The following GBF1 variants were observed in gnomAD, a reference collection of about 807,000 sequenced individuals.
GBF1 encodes Golgi-specific brefeldin A-resistance guanine nucleotide exchange factor 1.
A neutral mutation model predicts 210.5 loss-of-function variants in GBF1; 114 were observed. The ratio of observed to expected loss-of-function variants is 0.54; its 90% confidence interval spans 0.47 to 0.63. The LOEUF (loss-of-function observed/expected upper bound fraction) is 0.63, where lower values mean the gene tolerates loss of function less well. Ranked by LOEUF, GBF1 falls within the 30% of genes least tolerant of loss-of-function variation. The pLI is 0.00. For missense variants in GBF1, 1,851 were observed against 2,357.7 expected, an observed-to-expected ratio of 0.79 and a Z score of 4.45; for synonymous variants, 850 against 889.2, an observed-to-expected ratio of 0.96 and a Z score of 0.78.
intron 33 of GBF1, among the ~76,000 whole-genome samples, chr10:102,377,395 C>T (rs1021178542): frequency 1.2e-4 from 18 of 151,466 alleles, no homozygotes; most frequent in African/African-American, 3.2e-4. Context: ...TCTCTGTCAC[C>T]CAGGCTGGAG....
At chr10:102,357,987 G>A in intron 8 of GBF1, 52 bp from the exon 9 acceptor site, 1 of 1,235,520 alleles carries the variant, frequency 8.1e-7, no homozygotes, top group Non-Finnish European at 1.2e-6. Context: ...GAGATTAATA[G>A]GGATAGAGTC....
intron 29 of GBF1, among the ~76,000 whole-genome samples, chr10:102,373,673 A>G (rs2135273659): frequency 6.6e-6 from 1 of 152,386 alleles, no homozygotes; most frequent in South Asian, 2.1e-4. Context: ...TGGGTCATTC[A>G]TATATTGCTG....
intron 4 of GBF1, among the ~76,000 whole-genome samples, chr10:102,348,144 C>G (rs1378972081): frequency 2.6e-5 from 4 of 152,084 alleles, no homozygotes; most frequent in African/African-American, 9.7e-5. Context: ...GCTGTATTGG[C>G]CAGGCTGGTC....
At chr10:102,333,959 C>T (rs1012018229) in intron 3 of GBF1, among the ~76,000 whole-genome samples, 3 of 152,146 alleles carry the variant, frequency 2.0e-5, no homozygotes, top group Non-Finnish European at 4.4e-5. Context: ...AAGCTTTTGT[C>T]GTCTGTCTCT....
At chr10:102,263,032 T>C (rs2073426261) in intron 3 of GBF1, among the ~76,000 whole-genome samples, 1 of 152,160 alleles carries the variant, frequency 6.6e-6, no homozygotes, top group South Asian at 2.1e-4. Flanking sequence ...TGTTCTTGGT[T>C]TTTAGCATAT....
At chr10:102,327,552 TTC>T (rs1480637217) in intron 3 of GBF1, among the ~76,000 whole-genome samples, 4 of 152,168 alleles carry the variant, frequency 2.6e-5, no homozygotes, top group Admixed American at 6.6e-5. Context: ...TTACAGAGGA[TTC>T]TCTGGCGGCC....
intron 4 of GBF1, among the ~76,000 whole-genome samples, chr10:102,349,346 A>G (rs926057308): frequency 6.6e-6 from 1 of 152,132 alleles, no homozygotes; most frequent in Admixed American, 6.5e-5. Flanking sequence ...CAGCCTGGCC[A>G]ACATGGTGAA....
chr10:102,278,708 A>C (rs2075220603), intron 3 of GBF1, among the ~76,000 whole-genome samples: 1 of 152,068 alleles, frequency 6.6e-6, no homozygotes, highest in African/African-American at 2.4e-5. Context: ...TAATTTATTT[A>C]TTTCTTTCAA....
chr10:102,355,046 C>T (rs1480041940), intron 8 of GBF1, among the ~76,000 whole-genome samples: 1 of 151,978 alleles, frequency 6.6e-6, no homozygotes, highest in Non-Finnish European at 1.5e-5. Flanking sequence ...GTGAAGATGC[C>T]CTCTGTCCTC....
At chr10:102,317,112 T>G (rs1376140707) in intron 3 of GBF1, among the ~76,000 whole-genome samples, 1 of 152,098 alleles carries the variant, frequency 6.6e-6, no homozygotes, top group Non-Finnish European at 1.5e-5. Context: ...TTTTTTTTTC[T>G]AACTGGCTTT....
At position 102,362,638 on chromosome 10, in the gene GBF1, T is replaced by C. The variant is rs749302489; in HGVS notation, c.1850T>C (p.Val617Ala). ...KETARPSCEI[V>A]DGTREASNTE... is the part of the protein sequence containing the mutation. ...ACAGCCAGACCAAGCTGTGAGATAG[T>C]AGATGGCACCCGAGAAGCTAGCAAT... The change falls in exon 15 of 40, where the codon GTA becomes GCA. Residue 617 changes from valine (V) to alanine (A), a missense_variant. Physicochemically the swap from Val to Ala is moderately conservative, Grantham distance 64 (BLOSUM62 0). Coordinates refer to ENST00000369983, the MANE Select transcript of GBF1 (RefSeq NM_001377137.1). 9.3e-6 allele frequency: 15 copies of C among 1,613,992 alleles called. No individual in the cohort carries two copies. The highest frequency in any genetic ancestry group is 1.1e-5 in the South Asian group (1 of 91,080).
At chr10:102,289,314 T>C (rs915761549) in intron 3 of GBF1, among the ~76,000 whole-genome samples, 1 of 152,216 alleles carries the variant, frequency 6.6e-6, no homozygotes, top group African/African-American at 2.4e-5. Flanking sequence ...CTATACCTGA[T>C]AATAGAAATC....
intron 3 of GBF1, among the ~76,000 whole-genome samples, chr10:102,322,405 C>G (rs539701568): frequency 1.3e-5 from 2 of 152,250 alleles, no homozygotes; most frequent in South Asian, 4.1e-4. Context: ...TTTGTAGATT[C>G]TTCTTTCCCC....
In GBF1 at chr10:102,351,932, C is replaced by T; in HGVS notation, c.504C>T (p.Cys168=). The change falls in exon 6 of 40, where the codon TGC becomes TGT. Residue 168 remains cysteine, a synonymous_variant. Transcript: ENST00000369983. ...TTATGCAGTCTTGCTTCCGGATCTGCTTTGAAATGAGGCTCAGTGGTAGGT... is the reference window on the plus strand; with the variant it reads ...TTATGCAGTCTTGCTTCCGGATCTGTTTTGAAATGAGGCTCAGTGGTAGGT... ...CEIMQSCFRI[C]FEMRLSELLR... 1.9e-6 allele frequency: 3 copies of T among 1,600,890 alleles called. No homozygotes were observed. Among genetic ancestry groups the T allele is most frequent in the Non-Finnish European group, 1.7e-6 (2 of 1,167,954 alleles).
At chr10:102,340,479 T>C (rs1034703948) in intron 3 of GBF1, among the ~76,000 whole-genome samples, 1 of 151,972 alleles carries the variant, frequency 6.6e-6, no homozygotes, top group African/African-American at 2.4e-5. Flanking sequence ...TTCACCGTGT[T>C]AGCCAGGATG....
At chr10:102,311,579 C>T (rs1199919030) in intron 3 of GBF1, among the ~76,000 whole-genome samples, 1 of 152,196 alleles carries the variant, frequency 6.6e-6, no homozygotes, top group Non-Finnish European at 1.5e-5. Context: ...AACTTACGAA[C>T]CTTGGTTTGC....
chr10:102,376,231 C>T (rs186152425), intron 30 of GBF1, 41 bp from the exon 31 acceptor site: 1 of 1,550,130 alleles, frequency 6.5e-7, no homozygotes, highest in African/African-American at 1.4e-5. Context: ...CCCAGTGCCC[C>T]ATCCCCACCC....
chr10:102,261,615 C>CTTTTT (rs10711743), intron 3 of GBF1, among the ~76,000 whole-genome samples: 1 of 116,098 alleles, frequency 8.6e-6, no homozygotes, highest in African/African-American at 3.4e-5. Flanking sequence ...TTCTTTCTTT[C>CTTTTT]TTTTTTTTTT....
In GBF1 at chr10:102,367,137, A is replaced by G; in HGVS notation, c.2486A>G (p.Tyr829Cys). Residue 829 changes from tyrosine (Y) to cysteine (C), a missense_variant, in exon 20 of 40, where the codon TAT (tyrosine) becomes TGT (cysteine). By Grantham distance (194) the Tyr-to-Cys change is radical (BLOSUM62 -2). Transcript: ENST00000369983. Reference protein sequence around the residue: ...ANSDACFSLAYAVIMLNTDQH... With the variant: ...ANSDACFSLACAVIMLNTDQH... ...AGCGATGCCTGCTTTTCCCTGGCCT[A>G]TGCTGTCATCATGCTTAATACTGAC... The G allele has an allele frequency of 1.2e-6, 2 of 1,613,980 alleles. No homozygotes were observed. The highest frequency in any genetic ancestry group is 1.7e-6 in the Non-Finnish European group (2 of 1,179,860).
Sources: gnomAD v4.1 joint callset for allele counts (sites outside exome capture counted in the v4.1 genomes callset) on GRCh38, gnomAD v4.1.1 for gene constraint, MANE v1.5 for transcripts, NCBI Gene and HGNC (gene_info 2026-07-23, HGNC 2026-07-21) for gene names.